Variants in PCCA observed in about 807,000 individuals in gnomAD.
PCCA encodes the protein propionyl-CoA carboxylase alpha chain, mitochondrial.
In PCCA, 74 loss-of-function variants were observed where a neutral mutation model predicts 101.3. The observed-to-expected ratio is 0.73, with a 90% CI of 0.61 to 0.89. The LOEUF (loss-of-function observed/expected upper bound fraction) is 0.89, where lower values mean the gene tolerates loss of function less well. Among genes scored for constraint, PCCA ranks in the 40% least tolerant of loss-of-function variants. The pLI, the probability that PCCA is intolerant of heterozygous loss-of-function variation, is 0.00. For synonymous variants in PCCA, 294 were observed against 313.6 expected, an observed-to-expected ratio of 0.94 and a Z score of 0.66; for missense variants, 891 against 907.0, an observed-to-expected ratio of 0.98 and a Z score of 0.23.
intron 12 of PCCA, among the ~76,000 whole-genome samples, chr13:100,292,067 A>G (rs977779843): frequency 6.6e-6 from 1 of 152,064 alleles, no homozygotes; most frequent in African/African-American, 2.4e-5. Flanking sequence ...GAGAGGTGGG[A>G]GCCAGGCTGG....
chr13:100,421,687 AT>A (rs1256250563), intron 19 of PCCA, among the ~76,000 whole-genome samples: 1 of 150,770 alleles, frequency 6.6e-6, no homozygotes, highest in African/African-American at 2.4e-5. Flanking sequence ...ATGATTTCTT[AT>A]TTTTTATTTT....
At chr13:100,363,491 G>A (rs950608706) in intron 18 of PCCA, among the ~76,000 whole-genome samples, 4 of 151,934 alleles carry the variant, frequency 2.6e-5, no homozygotes, top group Admixed American at 6.6e-5. Flanking sequence ...TCTTTTCACC[G>A]TGCTGGAAAT....
At chr13:100,441,556 A>G in intron 20 of PCCA, among the ~76,000 whole-genome samples, 1 of 152,226 alleles carries the variant, frequency 6.6e-6, no homozygotes, top group East Asian at 1.9e-4. Flanking sequence ...TGTTAACAAA[A>G]TCTTCTAAAG....
At chr13:100,440,207 T>TATAA (rs2080264305) in intron 20 of PCCA, among the ~76,000 whole-genome samples, 1 of 96,692 alleles carries the variant, frequency 1.0e-5, no homozygotes, top group South Asian at 3.2e-4. Flanking sequence ...TATATATATA[T>TATAA]ATAAAACGTG....
chr13:100,151,065 G>A (rs892616242), intron 4 of PCCA: 15 of 1,552,044 alleles, frequency 9.7e-6, no homozygotes, highest in African/African-American at 1.4e-5. Context: ...TGCTTTCTCC[G>A]TAGCTCCTGG....
At chr13:100,475,634 G>T (rs574196888) in intron 21 of PCCA, among the ~76,000 whole-genome samples, 1 of 152,158 alleles carries the variant, frequency 6.6e-6, no homozygotes, top group East Asian at 1.9e-4. Context: ...GGGCGACAAG[G>T]TTTTAATTTT....
chr13:100,449,399 C>T, intron 21 of PCCA, 94 bp downstream of exon 21: 1 of 692,500 alleles, frequency 1.4e-6, no homozygotes, highest in Middle Eastern at 3.6e-4. Context: ...TTCATTACTG[C>T]TAGATATTTA....
At chr13:100,344,757 T>G (rs1461982443) in intron 18 of PCCA, among the ~76,000 whole-genome samples, 1 of 152,234 alleles carries the variant, frequency 6.6e-6, no homozygotes, top group Non-Finnish European at 1.5e-5. Context: ...TCTCAGATAT[T>G]GCATTTTTTA....
intron 6 of PCCA, among the ~76,000 whole-genome samples, chr13:100,162,142 A>G (rs2054551951): frequency 6.6e-6 from 1 of 151,148 alleles, no homozygotes; most frequent in South Asian, 2.1e-4. Flanking sequence ...GAATTTTGCT[A>G]TCATTTGTTT....
chr13:100,462,162 G>A (rs756086490), intron 21 of PCCA, among the ~76,000 whole-genome samples: 10 of 152,094 alleles, frequency 6.6e-5, no homozygotes. Flanking sequence ...TTTATGAAAT[G>A]GAATATAAAT....
intron 4 of PCCA, among the ~76,000 whole-genome samples, chr13:100,140,697 T>A (rs1324715303): frequency 1.3e-5 from 2 of 152,226 alleles, no homozygotes; most frequent in Admixed American, 6.5e-5. Flanking sequence ...AAATACTTGA[T>A]TCGTGCATTC....
chr13:100,274,626 C>T (rs896933925), intron 12 of PCCA, among the ~76,000 whole-genome samples: 5 of 152,126 alleles, frequency 3.3e-5, no homozygotes, highest in African/African-American at 1.2e-4. Context: ...TGTTCCTTGG[C>T]TTTGGCAGCA....
At chr13:100,232,487 C>T (rs901698090) in intron 7 of PCCA, among the ~76,000 whole-genome samples, 2 of 151,818 alleles carry the variant, frequency 1.3e-5, no homozygotes, top group Non-Finnish European at 2.9e-5. Context: ...CTCATGCAAT[C>T]CTCCTGCCTC....
chr13:100,471,846 G>T (rs1408910280), intron 21 of PCCA, among the ~76,000 whole-genome samples: 3 of 152,188 alleles, frequency 2.0e-5, no homozygotes, highest in African/African-American at 7.2e-5. Flanking sequence ...GGCCAACTAG[G>T]GAGAAGGGGA....
intron 18 of PCCA, among the ~76,000 whole-genome samples, chr13:100,365,509 T>G (rs568308209): frequency 5.1e-4 from 77 of 152,258 alleles, no homozygotes; most frequent in African/African-American, 1.8e-3. Context: ...CAATCCCTAC[T>G]CCATCAGGCT....
At chr13:100,133,334 C>G (rs1268983102) in intron 4 of PCCA, among the ~76,000 whole-genome samples, 1 of 152,076 alleles carries the variant, frequency 6.6e-6, no homozygotes, top group African/African-American at 2.4e-5. Flanking sequence ...TAGTTTCTTC[C>G]AGTTGGTAGG....
At chr13:100,273,134 G>A (rs2063411122) in intron 11 of PCCA, 62 bp from the exon 12 acceptor site, 2 of 1,222,514 alleles carry the variant, frequency 1.6e-6, no homozygotes, top group South Asian at 2.4e-5. Context: ...TTTATGTAAT[G>A]CACACAAAAG....
At chr13:100,146,359 G>A (rs887607252) in intron 4 of PCCA, among the ~76,000 whole-genome samples, 1 of 151,768 alleles carries the variant, frequency 6.6e-6, no homozygotes, top group South Asian at 2.1e-4. Flanking sequence ...GACGGATCAC[G>A]GGGTCAGGAG....
At chr13:100,140,423 A>C (rs2051730450) in intron 4 of PCCA, among the ~76,000 whole-genome samples, 1 of 151,992 alleles carries the variant, frequency 6.6e-6, no homozygotes, top group Admixed American at 6.6e-5. Flanking sequence ...GAGCAAAAGG[A>C]AAAAAAATAT....
Sources: gnomAD v4.1 joint callset for allele counts (sites outside exome capture counted in the v4.1 genomes callset) on GRCh38, gnomAD v4.1.1 for gene constraint, MANE v1.5 for transcripts, NCBI Gene and HGNC (gene_info 2026-07-23, HGNC 2026-07-21) for gene names.